Variants in HERC4 observed in about 807,000 individuals in gnomAD.
The protein encoded by HERC4 is HECT and RLD domain containing E3 ubiquitin protein ligase 4.
A neutral mutation model predicts 124.3 loss-of-function variants in HERC4; 28 were observed. The observed-to-expected ratio is 0.23, with a 90% CI of 0.17 to 0.31. HERC4 has a LOEUF of 0.31. Ranked by LOEUF, HERC4 falls within the 10% of genes least tolerant of loss-of-function variation. HERC4 has a pLI of 1.00. For synonymous variants in HERC4, 407 were observed against 421.5 expected (o/e 0.97, Z 0.42); for missense variants, 713 against 1,229.3 (o/e 0.58, Z 6.28).
rs761116551 is a variant in HERC4, at chr10:67,992,645, T to C, written c.1107A>G (p.Ser369=). The change falls in exon 10 of 25, where the codon TCA becomes TCG. Residue 369 remains serine (S), a synonymous_variant. Transcript: ENST00000373700. ...AATGTGAAAAGCTTTGATCTCCCCC[T>C]GAGAAAATTCTTTTTACACAGAAAT... ...EEYFCVKRIF[S]GGDQSFSHYS... The C allele has an allele frequency of 1.2e-5, 18 of 1,554,776 alleles. No individual in the cohort carries two copies. Among genetic ancestry groups the C allele is most frequent in the Non-Finnish European group, 1.5e-5 (17 of 1,133,958 alleles).
chr10:68,038,352 CAA>C (rs35054670), intron 4 of HERC4, 183 bp from the exon 5 acceptor site: 5,090 of 307,872 alleles, frequency 0.017, 13 homozygotes, highest in East Asian at 0.045. Flanking sequence ...GAGCTAGATA[CAA>C]AAAAAAAAAA....
rs1333677387 is a variant in HERC4 at position 67,992,180 on chromosome 10, C to G, written c.1271+19G>C. On this transcript the variant is annotated intron_variant, in intron 11 of 24. Coordinates refer to ENST00000373700, the MANE Select transcript of HERC4 (RefSeq NM_015601.4). Reference sequence around the variant, plus strand: ...TACAGGCATGAGCCACTGTGCCTGGCCCAAAATGCTTTTCTTACTTGGCTA... The same window carrying G: ...TACAGGCATGAGCCACTGTGCCTGGGCCAAAATGCTTTTCTTACTTGGCTA... 3.1e-6 allele frequency: 5 copies of G among 1,610,972 alleles called. No individual in the cohort carries two copies. The African/African-American group carries it at 5.3e-5, about 17-fold the overall frequency.
Position 67,936,210 on chromosome 10 carries a change from G to C in HERC4, c.2597C>G (p.Thr866Arg). ...ATTTAGAACCAGCTCTTTCACTTCTGTTGCACCAAAGTTTTCAACTGTGAT... is the reference window on the plus strand; with the variant it reads ...ATTTAGAACCAGCTCTTTCACTTCTCTTGCACCAAAGTTTTCAACTGTGAT... ...FTITVENFGA[T>R]EVKELVLNGA... Residue 866 changes from threonine to arginine, a missense_variant, in exon 22 of 25, where the codon ACA becomes AGA. By Grantham distance (71) the Thr-to-Arg change is moderately conservative. Transcript: ENST00000373700. 1 of 1,599,834 alleles carries C rather than the reference G, an allele frequency of 6.3e-7. No individual in the cohort carries two copies. Among genetic ancestry groups the C allele is most frequent in the Non-Finnish European group, 8.5e-7 (1 of 1,174,564 alleles).
chr10:68,038,550 A>C (rs553194783), intron 4 of HERC4, among the ~76,000 whole-genome samples: 2 of 152,292 alleles, frequency 1.3e-5, no homozygotes, highest in South Asian at 2.1e-4. Flanking sequence ...GCAAATGTAC[A>C]TTATCTAATT....
intron 8 of HERC4, among the ~76,000 whole-genome samples, chr10:68,014,731 A>G (rs1173516947): frequency 6.6e-6 from 1 of 152,226 alleles, no homozygotes; most frequent in African/African-American, 2.4e-5. Context: ...GAGGTACTAC[A>G]GTGAAAGCAA....
At chr10:67,927,108 C>T (rs374651782) in intron 23 of HERC4, among the ~76,000 whole-genome samples, 1 of 152,040 alleles carries the variant, frequency 6.6e-6, no homozygotes, top group African/African-American at 2.4e-5. Flanking sequence ...CTGTTAGTTG[C>T]ACACAAGTTT....
At chr10:67,937,330 CTAT>C (rs2032452082) in intron 21 of HERC4, among the ~76,000 whole-genome samples, 1 of 152,050 alleles carries the variant, frequency 6.6e-6, no homozygotes, top group African/African-American at 2.4e-5. Flanking sequence ...CATTCTAAAG[CTAT>C]TATTCTACAA....
chr10:67,938,765 G>A (rs1244899134), intron 21 of HERC4, among the ~76,000 whole-genome samples: 1 of 152,022 alleles, frequency 6.6e-6, no homozygotes, highest in East Asian at 1.9e-4. Flanking sequence ...CCAAGGTGGT[G>A]AAACCCCGTC....
intron 8 of HERC4, among the ~76,000 whole-genome samples, chr10:68,018,836 G>A (rs1443402798): frequency 6.8e-6 from 1 of 146,818 alleles, no homozygotes; most frequent in African/African-American, 2.5e-5. Context: ...ATATTACAAA[G>A]ATAACAACTT....
intron 7 of HERC4, among the ~76,000 whole-genome samples, chr10:68,027,680 T>C (rs1043256323): frequency 6.6e-6 from 1 of 152,162 alleles, no homozygotes; most frequent in Non-Finnish European, 1.5e-5. Context: ...CCCAGCACTT[T>C]GGGAGGCTGA....
chr10:67,951,792 T>C (rs1286673725), intron 19 of HERC4, among the ~76,000 whole-genome samples: 7 of 152,206 alleles, frequency 4.6e-5, no homozygotes, highest in Non-Finnish European at 1.0e-4. Context: ...TCCCTGCAAC[T>C]GTTCCTTGGG....
At chr10:67,996,190 T>A (rs2036869088) in intron 9 of HERC4, 1 of 433,330 alleles carries the variant, frequency 2.3e-6, no homozygotes, top group Non-Finnish European at 4.6e-6. Context: ...GCCTGTAGTC[T>A]GAGCCCAAGA....
intron 15 of HERC4, among the ~76,000 whole-genome samples, chr10:67,979,400 G>C (rs183139965): frequency 2.0e-5 from 3 of 151,944 alleles, no homozygotes; most frequent in Admixed American, 2.0e-4. Context: ...AAGAATTAGT[G>C]AGCTGAGGAG....
intron 3 of HERC4, chr10:68,068,973 A>T (rs1226315129): frequency 1.2e-6 from 1 of 831,964 alleles, no homozygotes; most frequent in Non-Finnish European, 1.4e-6. Flanking sequence ...GTTGTAAAAC[A>T]CAAAAAACTG....
chr10:67,941,832 T>C (rs1171772979), intron 19 of HERC4, among the ~76,000 whole-genome samples: 2 of 151,962 alleles, frequency 1.3e-5, no homozygotes, highest in Non-Finnish European at 2.9e-5. Flanking sequence ...ATTTTTGTAT[T>C]TTTAGTAGAG....
chr10:68,035,590 A>G (rs192891033), intron 5 of HERC4, among the ~76,000 whole-genome samples: 3 of 152,340 alleles, frequency 2.0e-5, no homozygotes, highest in Admixed American at 6.5e-5. Context: ...CCCAAAAAAT[A>G]TATTTCAGTG....
chr10:68,059,551 T>C (rs1263734646), intron 3 of HERC4, among the ~76,000 whole-genome samples: 1 of 110,936 alleles, frequency 9.0e-6, no homozygotes, highest in Non-Finnish European at 1.7e-5. Flanking sequence ...TTATATATCA[T>C]AATATATATC....
chr10:68,038,217 A>G (rs756485896), intron 4 of HERC4, 48 bp from the exon 5 acceptor site: 5 of 922,050 alleles, frequency 5.4e-6, no homozygotes, highest in Non-Finnish European at 8.1e-6. Context: ...CATTTAACAA[A>G]TTGATCTTGA....
intron 15 of HERC4, among the ~76,000 whole-genome samples, chr10:67,967,096 T>C (rs1187871071): frequency 6.6e-6 from 1 of 152,216 alleles, no homozygotes; most frequent in East Asian, 1.9e-4. Flanking sequence ...CCTTGTGATC[T>C]GTCCACCTTG....
Sources: allele counts gnomAD v4.1 joint callset (sites outside exome capture counted in the v4.1 genomes callset), GRCh38; gene constraint gnomAD v4.1.1; transcripts MANE v1.5; gene names NCBI Gene and HGNC (gene_info 2026-07-23, HGNC 2026-07-21).